PACRG: variants seen among roughly 807,000 people sequenced by gnomAD.
PACRG encodes the protein parkin coregulated.
A neutral mutation model predicts 29.7 loss-of-function variants in PACRG; 29 were observed. The observed-to-expected ratio is 0.98, with a 90% CI of 0.73 to 1.33. The LOEUF (loss-of-function observed/expected upper bound fraction) is 1.33, where lower values mean the gene tolerates loss of function less well. Ranked by LOEUF, PACRG falls within the 40% of genes most tolerant of loss-of-function variation. The probability of loss-of-function intolerance (pLI) is 0.00; values close to 1 mark genes in which losing one functional copy is unlikely to be tolerated. For missense variants in PACRG, 279 were observed against 316.2 expected, an observed-to-expected ratio of 0.88 and a Z score of 0.89; for synonymous variants, 116 against 118.7, an observed-to-expected ratio of 0.98 and a Z score of 0.15.
chr6:163,233,916 T>C (rs1487965534), intron 4 of PACRG, among the ~76,000 whole-genome samples: 1 of 152,212 alleles, frequency 6.6e-6, no homozygotes, highest in Non-Finnish European at 1.5e-5. Context: ...ATGAGAGACA[T>C]TCAAATAGAA....
chr6:163,166,224 C>T (rs1365696148), intron 4 of PACRG: 2 of 456,274 alleles, frequency 4.4e-6, no homozygotes, highest in South Asian at 1.5e-5. Context: ...TCTTCTCTCC[C>T]TGCTCTCCTC....
At chr6:162,845,371 A>G (rs1460399561) in intron 2 of PACRG, among the ~76,000 whole-genome samples, 1 of 151,968 alleles carries the variant, frequency 6.6e-6, no homozygotes, top group Non-Finnish European at 1.5e-5. Flanking sequence ...TGTGGCAACA[A>G]GTATCATCAA....
chr6:162,984,138 C>A (rs987094342), intron 2 of PACRG, among the ~76,000 whole-genome samples: 38 of 151,944 alleles, frequency 2.5e-4, no homozygotes, highest in African/African-American at 8.5e-4. Flanking sequence ...GCAGTGTACA[C>A]AGTGTCCAAT....
At chr6:163,098,343 T>G (rs2128310964) in intron 4 of PACRG, among the ~76,000 whole-genome samples, 1 of 152,258 alleles carries the variant, frequency 6.6e-6, no homozygotes, top group Non-Finnish European at 1.5e-5. Flanking sequence ...TTCCAGGGAC[T>G]CTGGGAGTTA....
intron 1 of PACRG, 72 bp downstream of exon 1, chr6:162,728,463 C>A (rs1376212168): frequency 4.5e-6 from 7 of 1,555,294 alleles, no homozygotes; most frequent in Non-Finnish European, 6.1e-6. Flanking sequence ...GGTTGGCCAG[C>A]CTTAGGATGG....
At chr6:162,832,625 G>C (rs1367551991) in intron 2 of PACRG, among the ~76,000 whole-genome samples, 1 of 152,086 alleles carries the variant, frequency 6.6e-6, no homozygotes, top group African/African-American at 2.4e-5. Context: ...GTGTAAAAGA[G>C]AGTGGGAACA....
At chr6:162,731,621 G>A (rs1308211166) in intron 1 of PACRG, among the ~76,000 whole-genome samples, 1 of 151,906 alleles carries the variant, frequency 6.6e-6, no homozygotes, top group Non-Finnish European at 1.5e-5. Flanking sequence ...GGAGACTGAG[G>A]GATGACTGTA....
Position 162,939,999 on chromosome 6 carries a change from C to T in PACRG, c.292-122151C>T, listed in dbSNP as rs144936668. On this transcript the variant is annotated intron_variant, in intron 2 of 4. Transcript: ENST00000366888. ...TTCTCAAATGAAGCTAAGCCAAACCCATTATTTAAGTTTGTTGCTAATTCT... is the reference window on the plus strand; with the variant it reads ...TTCTCAAATGAAGCTAAGCCAAACCTATTATTTAAGTTTGTTGCTAATTCT... Among the ~76,000 whole-genome samples, 1,469 of 152,228 alleles carry T rather than the reference C, an allele frequency of 9.7e-3. 61 individuals are homozygous for T. The highest frequency in any genetic ancestry group is 0.075 in the Admixed American group (1,151 of 15,280).
At chr6:163,013,262 G>GTTTATTTATTTATTTCTTTATTTA (rs1805783128) in intron 2 of PACRG, among the ~76,000 whole-genome samples, 1 of 150,096 alleles carries the variant, frequency 6.7e-6, no homozygotes, top group African/African-American at 2.5e-5. Context: ...TTGACTTAAA[G>GTTTATTTATTTATTTCTTTATTTA]TTTATTTATT....
chr6:163,030,546 GGT>G lies in PACRG; in HGVS notation c.292-31603_292-31602del, dbSNP rs1807564086. 3.9e-5 allele frequency among the ~76,000 whole-genome samples: 6 copies of G among 152,218 alleles called. No homozygotes were observed. In the South Asian group the frequency reaches 1.2e-3, roughly 32 times the overall value. ...GGTCCCCTTCCAGACCCCAAGAGAG[GGT>G]TCTTGGATCTCACACAAGAAAGAAT... On this transcript the variant is annotated intron_variant, in intron 2 of 4. Transcript: ENST00000366888.
chr6:162,979,639 A>T (rs1350879165), intron 2 of PACRG, among the ~76,000 whole-genome samples: 5 of 152,132 alleles, frequency 3.3e-5, no homozygotes, highest in Admixed American at 2.6e-4. Context: ...GGTGCTAATA[A>T]ATTACAATTA....
At chr6:162,948,031 A>G (rs1037911951) in intron 2 of PACRG, among the ~76,000 whole-genome samples, 1 of 152,036 alleles carries the variant, frequency 6.6e-6, no homozygotes, top group South Asian at 2.1e-4. Flanking sequence ...TTTTTCACAG[A>G]AAGAAAATAT....
chr6:163,290,145 C>T (rs1376509141), intron 4 of PACRG, among the ~76,000 whole-genome samples: 1 of 152,152 alleles, frequency 6.6e-6, no homozygotes. Flanking sequence ...CAGGCATGAG[C>T]CACCACGCCC....
chr6:163,115,668 T>C (rs1304801979), intron 4 of PACRG, among the ~76,000 whole-genome samples: 2 of 152,092 alleles, frequency 1.3e-5, no homozygotes, highest in Non-Finnish European at 2.9e-5. Context: ...GCGATTGCAA[T>C]GTGAAGTCAG....
intron 3 of PACRG, among the ~76,000 whole-genome samples, chr6:163,080,180 G>C (rs574419306): frequency 6.6e-6 from 1 of 152,218 alleles, no homozygotes; most frequent in East Asian, 1.9e-4. Context: ...TTACAGGCTT[G>C]AGCCACTGTG....
chr6:162,727,899 G>T (rs1047616333), upstream of PACRG: 18 of 592,982 alleles, frequency 3.0e-5, no homozygotes, highest in Non-Finnish European at 4.8e-5. Context: ...CCCCACCGCC[G>T]CCCTTTCCGG....
chr6:162,785,168 CAGAGAGAGAGAGAGAGAGAGAG>C (rs71008111), intron 1 of PACRG, among the ~76,000 whole-genome samples: 1 of 138,026 alleles, frequency 7.2e-6, no homozygotes, highest in Admixed American at 7.2e-5. Flanking sequence ...ATGAGGGAGG[CAGAGAGAGAGAGAGAGAGAGAG>C]AGAGAGAGAG....
intron 4 of PACRG, among the ~76,000 whole-genome samples, chr6:163,155,808 GATCTACCTT>G (rs1562942046): frequency 2.0e-5 from 3 of 152,200 alleles, no homozygotes; most frequent in African/African-American, 7.2e-5. Flanking sequence ...TCTAATGGCT[GATCTACCTT>G]TGTGCCCACG....
intron 2 of PACRG, among the ~76,000 whole-genome samples, chr6:163,003,906 G>A (rs1245551329): frequency 5.3e-5 from 8 of 152,166 alleles, no homozygotes; most frequent in Admixed American, 5.2e-4. Flanking sequence ...AAAAAGAGCA[G>A]AACAGAGATT....
Sources: allele counts gnomAD v4.1 joint callset (sites outside exome capture counted in the v4.1 genomes callset), GRCh38; gene constraint gnomAD v4.1.1; transcripts MANE v1.5; gene names NCBI Gene and HGNC (gene_info 2026-07-23, HGNC 2026-07-21).